NAALADL2: variants seen among roughly 807,000 people sequenced by gnomAD.
NAALADL2 encodes inactive N-acetylated-alpha-linked acidic dipeptidase-like protein 2.
A neutral mutation model predicts 87.2 loss-of-function variants in NAALADL2; 76 were observed. The observed-to-expected ratio is 0.87, with a 90% CI of 0.72 to 1.05. The LOEUF (loss-of-function observed/expected upper bound fraction) is 1.05. Among genes scored for constraint, NAALADL2 ranks in the 50% least tolerant of loss-of-function variants. The pLI, the probability that NAALADL2 is intolerant of heterozygous loss-of-function variation, is 0.00. For synonymous variants in NAALADL2, 354 were observed against 331.0 expected (o/e 1.07, Z -0.75); for missense variants, 1,089 against 945.8 (o/e 1.15, Z -1.99).
intron 1 of NAALADL2, among the ~76,000 whole-genome samples, chr3:175,084,629 T>C (rs1718515844): frequency 6.6e-6 from 1 of 152,202 alleles, no homozygotes; most frequent in African/African-American, 2.4e-5. Context: ...GGTATATATG[T>C]ATTCCTAAAA....
intron 5 of NAALADL2, among the ~76,000 whole-genome samples, chr3:175,436,452 T>G (rs1387693495): frequency 1.4e-5 from 2 of 145,552 alleles, no homozygotes; most frequent in East Asian, 4.4e-4. Flanking sequence ...GTTGAACTAG[T>G]TTACAGTCCC....
intron 13 of NAALADL2, among the ~76,000 whole-genome samples, chr3:175,771,384 C>G (rs769156662): frequency 2.0e-5 from 3 of 152,120 alleles, no homozygotes; most frequent in Non-Finnish European, 2.9e-5. Flanking sequence ...ATTTTAGTAT[C>G]TATTATGTAA....
At chr3:175,046,876 T>G (rs1754743108) in intron 1 of NAALADL2, among the ~76,000 whole-genome samples, 1 of 152,150 alleles carries the variant, frequency 6.6e-6, no homozygotes, top group African/African-American at 2.4e-5. Context: ...TTTAGGCTAT[T>G]ACACAATACC....
At chr3:175,034,803 T>C (rs1580127202) in intron 1 of NAALADL2, among the ~76,000 whole-genome samples, 1 of 152,174 alleles carries the variant, frequency 6.6e-6, no homozygotes, top group South Asian at 2.1e-4. Flanking sequence ...CATAAATTGT[T>C]GTGAGTTAGC....
intron 3 of NAALADL2, among the ~76,000 whole-genome samples, chr3:174,759,250 G>C (rs1003326327): frequency 1.1e-4 from 17 of 152,142 alleles, no homozygotes; most frequent in African/African-American, 4.1e-4. Flanking sequence ...TTTATCTGGA[G>C]TGATTCAGAT....
chr3:175,635,376 T>C (rs537739576), intron 11 of NAALADL2, among the ~76,000 whole-genome samples: 1 of 152,078 alleles, frequency 6.6e-6, no homozygotes. Context: ...TTAACACTTA[T>C]TAAGATAGGA....
chr3:175,524,274 T>A (rs1260020950), intron 9 of NAALADL2, among the ~76,000 whole-genome samples: 1 of 152,178 alleles, frequency 6.6e-6, no homozygotes. Flanking sequence ...CTCTAAATAG[T>A]GTATTAATTT....
chr3:175,474,717 A>C (rs766365249), intron 9 of NAALADL2, among the ~76,000 whole-genome samples: 1 of 111,636 alleles, frequency 9.0e-6, no homozygotes, highest in Non-Finnish European at 2.0e-5. Context: ...GTTTGCCACT[A>C]GTGATTCAGG....
intron 2 of NAALADL2, among the ~76,000 whole-genome samples, chr3:175,131,102 C>G (rs976729416): frequency 2.0e-5 from 3 of 150,378 alleles, no homozygotes; most frequent in East Asian, 3.9e-4. Flanking sequence ...TACAGTTTTC[C>G]TTGAACAGCT....
intron 6 of NAALADL2, among the ~76,000 whole-genome samples, chr3:175,456,861 TC>T (rs1466706172): frequency 6.6e-6 from 1 of 152,078 alleles, no homozygotes; most frequent in Non-Finnish European, 1.5e-5. Flanking sequence ...ATCCTCCATT[TC>T]CTTCAACCTG....
At chr3:174,984,021 G>A (rs1745480004) in intron 1 of NAALADL2, among the ~76,000 whole-genome samples, 1 of 152,006 alleles carries the variant, frequency 6.6e-6, no homozygotes. Context: ...TCTCATCCAT[G>A]TCTGCATCTT....
chr3:174,513,717 A>G (rs1719751428), intron 1 of NAALADL2, among the ~76,000 whole-genome samples: 1 of 152,166 alleles, frequency 6.6e-6, no homozygotes, highest in Admixed American at 6.5e-5. Flanking sequence ...ATTCATCTTC[A>G]TTTACAAAAT....
intron 9 of NAALADL2, among the ~76,000 whole-genome samples, chr3:175,572,896 T>C (rs9865216): frequency 1.4e-5 from 1 of 73,472 alleles, no homozygotes; most frequent in Non-Finnish European, 4.2e-5. Flanking sequence ...TGAGACTCTA[T>C]CTTGAAAAAA....
chr3:175,456,884 G>A (rs547461131), intron 6 of NAALADL2, among the ~76,000 whole-genome samples: 4 of 152,000 alleles, frequency 2.6e-5, no homozygotes, highest in South Asian at 2.1e-4. Context: ...AAGAGTTTCT[G>A]TCTTTTCTTG....
intron 13 of NAALADL2, among the ~76,000 whole-genome samples, chr3:175,795,737 G>T (rs1283795490): frequency 2.0e-5 from 3 of 151,658 alleles, no homozygotes; most frequent in Admixed American, 2.0e-4. Flanking sequence ...AGATTCTCAT[G>T]GGAAGAAAAA....
chr3:175,406,834 A>G (rs1357459456), intron 5 of NAALADL2, among the ~76,000 whole-genome samples: 2 of 150,736 alleles, frequency 1.3e-5, no homozygotes, highest in African/African-American at 2.4e-5. Flanking sequence ...TTCTTTTGTT[A>G]TGGCTTCCTG....
At chr3:175,784,243 T>G (rs1317650949) in intron 13 of NAALADL2, among the ~76,000 whole-genome samples, 1 of 150,676 alleles carries the variant, frequency 6.6e-6, no homozygotes, top group Non-Finnish European at 1.5e-5. Flanking sequence ...GGATTCCCTC[T>G]TTTTCTATTG....
At chr3:174,716,505 A>C (rs964885871) in intron 2 of NAALADL2, among the ~76,000 whole-genome samples, 9 of 152,098 alleles carry the variant, frequency 5.9e-5, no homozygotes, top group African/African-American at 2.2e-4. Context: ...TTACATTTCT[A>C]GGTTTATATA....
intron 1 of NAALADL2, among the ~76,000 whole-genome samples, chr3:174,494,019 C>G (rs1194470621): frequency 6.6e-6 from 1 of 152,136 alleles, no homozygotes; most frequent in Non-Finnish European, 1.5e-5. Context: ...TTAAGCCTTG[C>G]AGGAAGGTTA....
Sources: allele counts gnomAD v4.1 joint callset (sites outside exome capture counted in the v4.1 genomes callset), GRCh38; gene constraint gnomAD v4.1.1; transcripts MANE v1.5; gene names NCBI Gene and HGNC (gene_info 2026-07-23, HGNC 2026-07-21).